Variants in CCSER1 observed in about 807,000 individuals in gnomAD.
CCSER1 encodes the protein serine-rich coiled-coil domain-containing protein 1.
CCSER1 carries 41 observed loss-of-function variants against 82.0 expected under a neutral mutation model. The ratio of observed to expected loss-of-function variants is 0.50; its 90% CI spans 0.39 to 0.65. The LOEUF is 0.65. Among genes scored for constraint, CCSER1 ranks in the 30% least tolerant of loss-of-function variants. The pLI is 0.00. For missense variants in CCSER1, 1,119 were observed against 1,064.2 expected, an observed-to-expected ratio of 1.05 and a Z score of -0.72; for synonymous variants, 414 against 383.9, an observed-to-expected ratio of 1.08 and a Z score of -0.92.
intron 9 of CCSER1, among the ~76,000 whole-genome samples, chr4:91,021,687 C>T (rs1253989099): frequency 6.6e-6 from 1 of 152,078 alleles, no homozygotes; most frequent in Non-Finnish European, 1.5e-5. Flanking sequence ...GTCCCAGAAA[C>T]TGTAAAAGAC....
At chr4:90,901,029 A>T (rs1284129799) in intron 8 of CCSER1, among the ~76,000 whole-genome samples, 1 of 151,938 alleles carries the variant, frequency 6.6e-6, no homozygotes, top group Admixed American at 6.6e-5. Flanking sequence ...ATTTAGCATC[A>T]CATAATGCTC....
chr4:91,079,442 A>G (rs1561529387), intron 9 of CCSER1, among the ~76,000 whole-genome samples: 1 of 152,218 alleles, frequency 6.6e-6, no homozygotes, highest in Non-Finnish European at 1.5e-5. Flanking sequence ...CATAGAAAGG[A>G]ACATCTGGTA....
rs150284699 is a variant in CCSER1 at position 90,730,475 on chromosome 4, T to C, written c.2010+6484T>C. 5.7e-3 allele frequency among the ~76,000 whole-genome samples: 871 copies of C among 152,344 alleles called. 11 individuals are homozygous for C. Among genetic ancestry groups the C allele is most frequent in the African/African-American group, 0.02 (832 of 41,578 alleles). On this transcript the variant is annotated intron_variant, in intron 7 of 10. Coordinates refer to ENST00000509176, the MANE Select transcript of CCSER1 (RefSeq NM_001145065.2). Reference sequence around the variant, plus strand: ...AGTACCTACCATGTTCTTAGTAATATTCTAAGGCATTGGTATGTCGATGTC... The same window carrying C: ...AGTACCTACCATGTTCTTAGTAATACTCTAAGGCATTGGTATGTCGATGTC...
chr4:91,045,299 C>T (rs577931972), intron 9 of CCSER1, among the ~76,000 whole-genome samples: 46 of 152,196 alleles, frequency 3.0e-4, no homozygotes, highest in East Asian at 5.8e-4. Context: ...TGAAAATGTT[C>T]TCTTGATTTA....
In CCSER1 at chr4:91,522,760, A is replaced by T. The variant is rs559040861; in HGVS notation, c.2218-75812A>T. 4.7e-3 allele frequency among the ~76,000 whole-genome samples: 714 copies of T among 152,282 alleles called. 9 individuals carry two copies. The highest frequency in any genetic ancestry group is 0.016 in the African/African-American group (681 of 41,562). On this transcript the variant is annotated intron_variant, in intron 10 of 10. Coordinates refer to ENST00000509176, the MANE Select transcript of CCSER1 (RefSeq NM_001145065.2). ...CTTTGCTGAAGTTGCTTATCAGCTT[A>T]AGGAGATTTTGGGCTGAGCTGATGG...
rs569534989 is a variant in CCSER1, at chr4:90,229,472, G to A, written c.-41-78772G>A. Among the ~76,000 whole-genome samples the A allele has an allele frequency of 2.6e-3, 401 of 152,198 alleles. 1 individual carries two copies. Among genetic ancestry groups the A allele is most frequent in the African/African-American group, 8.9e-3 (369 of 41,526 alleles). ...CCCTAAAAGTGCTCCTGAAGGAAGT[G>A]CCAAACATGGAAAGGAACAACTGAT... is the stretch of plus-strand genomic sequence containing the variant. On this transcript the variant is annotated intron_variant, in intron 1 of 10. Transcript: ENST00000509176.
At chr4:90,406,809 T>G (rs561387435) in intron 4 of CCSER1, among the ~76,000 whole-genome samples, 1 of 152,262 alleles carries the variant, frequency 6.6e-6, no homozygotes, top group Non-Finnish European at 1.5e-5. Context: ...TTGAACTGAA[T>G]GATAATAGTG....
At chr4:90,772,610 A>C (rs1752348157) in intron 7 of CCSER1, among the ~76,000 whole-genome samples, 1 of 152,126 alleles carries the variant, frequency 6.6e-6, no homozygotes, top group Admixed American at 6.6e-5. Context: ...GCATGGGCTT[A>C]AGTTAATGTA....
chr4:90,349,521 A>G (rs943754431), intron 3 of CCSER1, among the ~76,000 whole-genome samples: 2 of 152,086 alleles, frequency 1.3e-5, no homozygotes, highest in African/African-American at 4.8e-5. Context: ...ATTTCTCAGA[A>G]TGGCATGTTC....
At chr4:90,796,610 G>A (rs376154969) in intron 7 of CCSER1, among the ~76,000 whole-genome samples, 1 of 151,992 alleles carries the variant, frequency 6.6e-6, no homozygotes, top group East Asian at 1.9e-4. Flanking sequence ...ACTTTTTGAT[G>A]TGGGCATTTA....
intron 10 of CCSER1, among the ~76,000 whole-genome samples, chr4:91,457,420 A>G (rs1207046768): frequency 6.6e-6 from 1 of 152,076 alleles, no homozygotes; most frequent in Non-Finnish European, 1.5e-5. Context: ...TACTCCCTAC[A>G]CTTTGGGACC....
chr4:91,256,719 CA>C (rs921480078), intron 10 of CCSER1, among the ~76,000 whole-genome samples: 5 of 151,808 alleles, frequency 3.3e-5, no homozygotes, highest in East Asian at 3.9e-4. Context: ...GTAGGTGGCA[CA>C]AAAAAAGCCA....
intron 10 of CCSER1, among the ~76,000 whole-genome samples, chr4:91,171,667 T>C (rs1732770117): frequency 6.6e-6 from 1 of 152,176 alleles, no homozygotes; most frequent in Non-Finnish European, 1.5e-5. Context: ...CCTAGGAATA[T>C]GACACTTCTC....
chr4:90,849,801 A>C (rs1252552781), intron 8 of CCSER1, among the ~76,000 whole-genome samples: 3 of 150,198 alleles, frequency 2.0e-5, no homozygotes, highest in African/African-American at 7.5e-5. Context: ...AAAAAAAAAA[A>C]AAAAAAAAAA....
At chr4:90,309,764 C>T (rs1214076800) in intron 2 of CCSER1, among the ~76,000 whole-genome samples, 156 bp downstream of exon 2, 2 of 152,084 alleles carry the variant, frequency 1.3e-5, no homozygotes, top group East Asian at 1.9e-4. Context: ...AATGTTTCCC[C>T]TGCTTGATTT....
chr4:90,263,361 T>G (rs1339387480), intron 1 of CCSER1, among the ~76,000 whole-genome samples: 1 of 152,206 alleles, frequency 6.6e-6, no homozygotes, highest in Non-Finnish European at 1.5e-5. Context: ...GAACTGACTT[T>G]AAGTCTCCCA....
chr4:90,597,088 G>A lies in CCSER1; in HGVS notation c.1725-30937G>A, dbSNP rs568208496. 2.7e-4 allele frequency among the ~76,000 whole-genome samples: 41 copies of A among 152,004 alleles called. 1 individual carries two copies. The South Asian group carries it at 7.9e-3, about 29-fold the overall frequency. On this transcript the variant is annotated intron_variant, in intron 5 of 10. Transcript: ENST00000509176. ...AAAAAGGCATTTTATAAAATGTAAC[G>A]TATATTTCTACAGAAATTTAAATTC... is the stretch of plus-strand genomic sequence containing the variant.
At chr4:90,178,025 G>A (rs542593740) in intron 1 of CCSER1, among the ~76,000 whole-genome samples, 4 of 152,118 alleles carry the variant, frequency 2.6e-5, no homozygotes, top group African/African-American at 9.6e-5. Context: ...TCAAAAATCC[G>A]AAATCCAAAA....
At chr4:90,377,609 CAATTAAACAAAATAACCAGAG>C (rs1469805671) in intron 3 of CCSER1, among the ~76,000 whole-genome samples, 1 of 151,956 alleles carries the variant, frequency 6.6e-6, no homozygotes, top group Non-Finnish European at 1.5e-5. Flanking sequence ...CTAAGAGATT[CAATTAAACAAAATAACCAGAG>C]AATACATGCC....
Sources: allele counts gnomAD v4.1 joint callset (sites outside exome capture counted in the v4.1 genomes callset), GRCh38; gene constraint gnomAD v4.1.1; transcripts MANE v1.5; gene names NCBI Gene and HGNC (gene_info 2026-07-23, HGNC 2026-07-21).